Variants in TRA2A observed in about 807,000 individuals in gnomAD.
TRA2A encodes transformer-2 protein homolog alpha.
Under a neutral mutation model 45.7 loss-of-function variants are expected in TRA2A, and 31 were observed. The observed-to-expected ratio is 0.68, with a 90% confidence interval of 0.51 to 0.92. The LOEUF (loss-of-function observed/expected upper bound fraction) is 0.92. TRA2A is among the 40% of genes least tolerant of loss of function. The pLI, the probability that TRA2A is intolerant of heterozygous loss-of-function variation, is 0.00. For synonymous variants in TRA2A, 132 were observed against 126.2 expected, an observed-to-expected ratio of 1.05 and a Z score of -0.31; for missense variants, 304 against 367.5, an observed-to-expected ratio of 0.83 and a Z score of 1.41.
chr7:23,521,631 C>G, intron 2 of TRA2A, 76 bp downstream of exon 2: 1 of 1,537,204 alleles, frequency 6.5e-7, no homozygotes, highest in Non-Finnish European at 8.9e-7. Context: ...AATTTCTACA[C>G]AAAATGCAGC....
intron 1 of TRA2A, among the ~76,000 whole-genome samples, chr7:23,525,185 A>G (rs1790290817): frequency 6.6e-6 from 1 of 152,264 alleles, no homozygotes; most frequent in South Asian, 2.1e-4. Flanking sequence ...AGTCCTTTAT[A>G]TAAAGAGGAC....
chr7:23,531,901 C>A lies in TRA2A; in HGVS notation c.-77G>T, dbSNP rs1790604398. The A allele has an allele frequency of 1.3e-6, 2 of 1,530,652 alleles. No homozygotes were observed. The highest frequency in any genetic ancestry group is 4.5e-5 in the East Asian group (2 of 44,526). 94.8% of individuals were successfully genotyped at this position (1,530,652 alleles called of 1,614,324 possible). On this transcript the variant is annotated 5_prime_UTR_variant, in exon 1 of 8. Transcript: ENST00000297071. ...GCCGATGGCCTAATTAACCCGCTGA[C>A]TGGACCGTGGGGAAGAGGAAAGAGT... is the stretch of plus-strand genomic sequence containing the variant.
intron 2 of TRA2A, among the ~76,000 whole-genome samples, chr7:23,519,862 GA>G (rs905634126): frequency 3.3e-5 from 5 of 151,598 alleles, no homozygotes; most frequent in African/African-American, 4.8e-5. Context: ...TTAAAATGAA[GA>G]AAAAAAAGTA....
chr7:23,527,064 G>A (rs1394012691), intron 1 of TRA2A, among the ~76,000 whole-genome samples: 1 of 152,048 alleles, frequency 6.6e-6, no homozygotes, highest in African/African-American at 2.4e-5. Context: ...ATGTATAAGT[G>A]GCAATTTCAA....
intron 1 of TRA2A, 148 bp downstream of exon 1, chr7:23,531,640 AG>A: frequency 1.3e-6 from 1 of 784,136 alleles, no homozygotes; most frequent in South Asian, 1.6e-5. Context: ...GGAACCCAGA[AG>A]CCATCTTGGG....
At chr7:23,523,955 A>G (rs1232416822) in intron 1 of TRA2A, among the ~76,000 whole-genome samples, 1 of 152,246 alleles carries the variant, frequency 6.6e-6, no homozygotes, top group Non-Finnish European at 1.5e-5. Flanking sequence ...TTGAATAGCA[A>G]TAGCTGGATT....
chr7:23,510,324 T>G (rs1222817025), intron 4 of TRA2A, among the ~76,000 whole-genome samples: 2 of 152,018 alleles, frequency 1.3e-5, no homozygotes, highest in South Asian at 4.2e-4. Flanking sequence ...CCAGTTAAGC[T>G]TTTTTTTCTT....
At chr7:23,521,941 A>C in intron 1 of TRA2A, 101 bp from the exon 2 acceptor site, 1 of 1,518,562 alleles carries the variant, frequency 6.6e-7, no homozygotes, top group Non-Finnish European at 8.9e-7. Flanking sequence ...CTCCTGAAAA[A>C]CAAATGGTTA....
rs376051684 is a variant in TRA2A, at chr7:23,507,414, T to C, written c.641+6A>G. The C allele has an allele frequency of 2.1e-5, 33 of 1,608,982 alleles. No individual in the cohort carries two copies. In the African/African-American group the frequency reaches 4.3e-4, roughly 21 times the overall value. ...ATAGTTTAGCTTAGGAAACTTGAAC[T>C]CTTACTGAGTTGGTCTGCCCATGTA... On this transcript the variant is annotated splice_donor_region_variant and intron_variant, in intron 5 of 7. Transcript: ENST00000297071.
chr7:23,512,606 C>T (rs1165099168), intron 4 of TRA2A, among the ~76,000 whole-genome samples: 2 of 151,988 alleles, frequency 1.3e-5, no homozygotes, highest in African/African-American at 4.8e-5. Context: ...CTACAAGCGC[C>T]GGCCACCACG....
chr7:23,522,728 T>C (rs924039735), intron 1 of TRA2A, among the ~76,000 whole-genome samples: 13 of 152,260 alleles, frequency 8.5e-5, no homozygotes, highest in African/African-American at 2.9e-4. Flanking sequence ...ATAATTCAAA[T>C]ATAAATCTAA....
At chr7:23,525,724 T>C (rs888204748) in intron 1 of TRA2A, among the ~76,000 whole-genome samples, 6 of 152,210 alleles carry the variant, frequency 3.9e-5, no homozygotes, top group African/African-American at 4.8e-5. Context: ...CCTGGGTAGC[T>C]GGGATTACAG....
intron 4 of TRA2A, among the ~76,000 whole-genome samples, chr7:23,510,938 C>G (rs958296285): frequency 6.6e-6 from 1 of 151,850 alleles, no homozygotes; most frequent in East Asian, 1.9e-4. Context: ...TAGAGTTATC[C>G]GGGGTTTCTC....
chr7:23,511,274 G>A (rs62468819), intron 4 of TRA2A, among the ~76,000 whole-genome samples: 16,633 of 149,816 alleles, frequency 0.11, 980 homozygotes, highest in Middle Eastern at 0.15. Context: ...GGGAGGCTGA[G>A]GCAGGAGAAT....
chr7:23,512,680 G>A (rs1040682476), intron 4 of TRA2A, among the ~76,000 whole-genome samples: 1 of 151,084 alleles, frequency 6.6e-6, no homozygotes, highest in Non-Finnish European at 1.5e-5. Context: ...GGATAGTCTC[G>A]ATCTCCTGAC....
intron 4 of TRA2A, among the ~76,000 whole-genome samples, chr7:23,508,294 AAAAG>A (rs1789434609): frequency 6.6e-6 from 1 of 150,488 alleles, no homozygotes; most frequent in Non-Finnish European, 1.5e-5. Flanking sequence ...AAAAAAAAAA[AAAAG>A]GAGGTCTCAC....
At chr7:23,521,450 T>C (rs1364782235) in intron 2 of TRA2A, among the ~76,000 whole-genome samples, 3 of 152,230 alleles carry the variant, frequency 2.0e-5, no homozygotes, top group Admixed American at 6.5e-5. Context: ...TATTGATTTC[T>C]TATTTTTTCA....
At chr7:23,507,395 T>C in intron 5 of TRA2A, 25 bp downstream of exon 5, 1 of 1,575,664 alleles carries the variant, frequency 6.3e-7, no homozygotes, top group Non-Finnish European at 8.7e-7. Flanking sequence ...TTTCATAGTT[T>C]AGCTTAGGAA....
intron 1 of TRA2A, chr7:23,522,465 G>A: frequency 9.3e-7 from 1 of 1,074,700 alleles, no homozygotes; most frequent in South Asian, 1.8e-5. Flanking sequence ...GTATATTTAA[G>A]CACGTGGGGA....
Sources: allele counts gnomAD v4.1 joint callset (sites outside exome capture counted in the v4.1 genomes callset), GRCh38; gene constraint gnomAD v4.1.1; transcripts MANE v1.5; gene names NCBI Gene and HGNC (gene_info 2026-07-23, HGNC 2026-07-21).